Variants in EPG5 observed in about 807,000 individuals in gnomAD.
EPG5 encodes the protein ectopic P-granules 5 autophagy tethering factor.
A neutral mutation model predicts 302.7 loss-of-function variants in EPG5; 159 were observed. The ratio of observed to expected loss-of-function variants is 0.53; its 90% CI spans 0.46 to 0.60. The LOEUF (loss-of-function observed/expected upper bound fraction) is 0.60. EPG5 is among the 20% of genes least tolerant of loss of function. EPG5 has a pLI of 0.00. For missense variants in EPG5, 2,896 were observed against 3,092.4 expected (o/e 0.94, Z 1.51); for synonymous variants, 1,158 against 1,136.8 (o/e 1.02, Z -0.37).
At chr18:45,876,430 G>T (rs1489391000) in intron 34 of EPG5, 88 bp from the exon 35 acceptor site, 6 of 1,035,328 alleles carry the variant, frequency 5.8e-6, no homozygotes, top group Non-Finnish European at 9.0e-6. Flanking sequence ...CTAAGTCCTG[G>T]AAGCCTGTCC....
At chr18:45,918,826 G>A (rs1167002056) in intron 16 of EPG5, among the ~76,000 whole-genome samples, 1 of 152,136 alleles carries the variant, frequency 6.6e-6, no homozygotes, top group Non-Finnish European at 1.5e-5. Flanking sequence ...ATTTGTGGAG[G>A]CGAATACAGG....
chr18:45,956,503 C>A (rs551991288), intron 1 of EPG5, among the ~76,000 whole-genome samples: 35 of 151,874 alleles, frequency 2.3e-4, no homozygotes, highest in African/African-American at 6.0e-4. Flanking sequence ...GTTGCGCAGG[C>A]TGGAGTGCAG....
chr18:45,820,453 T>A, the EPG5 span, among the ~76,000 whole-genome samples: 1 of 152,148 alleles, frequency 6.6e-6, no homozygotes, highest in Admixed American at 6.5e-5. Flanking sequence ...GCCCACTGAA[T>A]TGGAGCATCA....
Position 45,923,362 on chromosome 18 carries a change from A to T in EPG5, c.2744T>A (p.Val915Asp). ...AACCATTAAAGCCACTTCAGCATGG[A>T]CTGCTTGATCCAGATGAAGGGTAGC... ...KQATLHLDQAVHAEVALMVLE... is the reference protein window; with the variant it reads ...KQATLHLDQADHAEVALMVLE... The change falls in exon 15 of 44, where the codon GTC (valine) becomes GAC (aspartate). Residue 915 changes from valine (V) to aspartate (D), a missense_variant. By Grantham distance (152) the Val-to-Asp change is radical. Coordinates refer to ENST00000282041, the MANE Select transcript of EPG5 (RefSeq NM_020964.3). The T allele has an allele frequency of 6.2e-7, 1 of 1,613,916 alleles. No individual in the cohort carries two copies. Among genetic ancestry groups the T allele is most frequent in the Non-Finnish European group, 8.5e-7 (1 of 1,179,956 alleles).
chr18:45,965,925 T>A (rs1044362395), intron 1 of EPG5, among the ~76,000 whole-genome samples: 17 of 151,448 alleles, frequency 1.1e-4, no homozygotes, highest in African/African-American at 3.9e-4. Flanking sequence ...TGGTGGCGCA[T>A]GCCTGTAATC....
intron 7 of EPG5, among the ~76,000 whole-genome samples, chr18:45,945,801 C>A (rs949249103): frequency 5.9e-5 from 9 of 152,158 alleles, no homozygotes; most frequent in African/African-American, 2.2e-4. Context: ...TTTACCACCA[C>A]CTGACCACCT....
chr18:45,830,583 C>CTTTTTTTTTTTTTTTT, the EPG5 span, among the ~76,000 whole-genome samples: 2 of 96,702 alleles, frequency 2.1e-5, no homozygotes, highest in African/African-American at 4.2e-5. Flanking sequence ...ATTTTTCTTT[C>CTTTTTTTTTTTTTTTT]TTTTTTTTTT....
At chr18:45,912,174 C>A in intron 22 of EPG5, 116 bp downstream of exon 22, 3 of 964,918 alleles carry the variant, frequency 3.1e-6, no homozygotes, top group Non-Finnish European at 2.9e-6. Flanking sequence ...GAGTCCTCAC[C>A]AGAGATCACC....
downstream of EPG5, among the ~76,000 whole-genome samples, chr18:45,846,639 TTACCAG>T (rs1284239787): frequency 6.6e-6 from 1 of 151,972 alleles, no homozygotes; most frequent in Non-Finnish European, 1.5e-5. Context: ...AGAGATCTTG[TTACCAG>T]AAAGGGGTCC....
chr18:45,932,469 T>C (rs1441475053), intron 11 of EPG5, among the ~76,000 whole-genome samples: 4 of 152,194 alleles, frequency 2.6e-5, no homozygotes, highest in Non-Finnish European at 4.4e-5. Flanking sequence ...ATTTGTTCCC[T>C]GGAAACTGAT....
the EPG5 span, chr18:45,837,656 C>G: frequency 9.3e-6 from 14 of 1,503,924 alleles, no homozygotes; most frequent in Non-Finnish European, 1.1e-5. Flanking sequence ...CGCGGGCGAG[C>G]CCTATGCGGG....
At position 45,949,535 on chromosome 18, in the gene EPG5, A is replaced by G. The variant is rs1345031210; in HGVS notation, c.1446T>C (p.His482=). ...TAACACCAGCGGGGCATCGAAGAATATGGTTTAGAAGGAAGAGGTGATCTC... is the reference window on the plus strand; with the variant it reads ...TAACACCAGCGGGGCATCGAAGAATGTGGTTTAGAAGGAAGAGGTGATCTC... The part of the protein sequence containing the change: ...CPGDHLFLLN[H]ILRCPAGVSK... The change falls in exon 5 of 44, where the codon CAT becomes CAC. Residue 482 remains histidine (H), a synonymous_variant. Coordinates refer to ENST00000282041, the MANE Select transcript of EPG5 (RefSeq NM_020964.3). 1.9e-6 allele frequency: 3 copies of G among 1,613,320 alleles called. No homozygotes were observed. The highest frequency in any genetic ancestry group is 2.5e-6 in the Non-Finnish European group (3 of 1,179,560).
At chr18:45,876,919 G>A (rs966926245) in intron 34 of EPG5, among the ~76,000 whole-genome samples, 7 of 151,960 alleles carry the variant, frequency 4.6e-5, no homozygotes, top group Non-Finnish European at 1.0e-4. Context: ...GAGCAACTGG[G>A]GTTGCAGGCA....
chr18:45,960,249 G>A (rs2051119304), intron 1 of EPG5, among the ~76,000 whole-genome samples: 1 of 152,124 alleles, frequency 6.6e-6, no homozygotes, highest in Non-Finnish European at 1.5e-5. Flanking sequence ...CATAATTTAA[G>A]CCAAAGGTAT....
Position 45,922,491 on chromosome 18 carries a change from C to T in EPG5, c.2948G>A (p.Gly983Glu), listed in dbSNP as rs1485189801. 5.0e-6 allele frequency: 8 copies of T among 1,614,058 alleles called. No homozygotes were observed. In the South Asian group the frequency reaches 6.6e-5, roughly 13 times the overall value. Reference protein sequence around the residue: ...LRLKLHKNDYGIQPNCPAVPF... With the variant: ...LRLKLHKNDYEIQPNCPAVPF... ...AACAGCTGGACAATTCGGCTGTATT[C>T]CATAATCGTTTTTGTGCAGTTTTAG... The change falls in exon 16 of 44, where the codon GGA (glycine) becomes GAA (glutamate). Residue 983 changes from glycine to glutamate, a missense_variant. Physicochemically the swap from Gly to Glu is moderately conservative, Grantham distance 98. This residue lies in a region of EPG5 where 1,390 missense variants were observed against 1,430.0 expected (regional missense o/e 0.97). Transcript: ENST00000282041.
chr18:45,877,418 T>A (rs1284270405), intron 34 of EPG5, among the ~76,000 whole-genome samples: 1 of 151,888 alleles, frequency 6.6e-6, no homozygotes, highest in African/African-American at 2.4e-5. Flanking sequence ...GACTCTGTCT[T>A]AAAAAAAATT....
the EPG5 span, among the ~76,000 whole-genome samples, chr18:45,802,693 C>T: frequency 6.6e-6 from 1 of 152,216 alleles, no homozygotes. Context: ...TTCTGCCCCA[C>T]CCTCACTCTG....
chr18:45,840,461 C>G, the EPG5 span, among the ~76,000 whole-genome samples: 2 of 152,224 alleles, frequency 1.3e-5, no homozygotes, highest in South Asian at 4.1e-4. Context: ...GCTCCTCCCC[C>G]ACGACTCCAG....
In EPG5 at chr18:45,928,851, C is replaced by T. The variant is rs776694155; in HGVS notation, c.2553+18G>A. ...CAAGATTTGAAAAAACAAAAACAAA[C>T]AAAATCAGTGCTCTTACCATTCCAA... On this transcript the variant is annotated intron_variant, in intron 13 of 43. Coordinates refer to ENST00000282041, the MANE Select transcript of EPG5 (RefSeq NM_020964.3). 1.9e-6 allele frequency: 3 copies of T among 1,594,250 alleles called. No homozygotes were observed. The highest frequency in any genetic ancestry group is 2.7e-5 in the African/African-American group (2 of 73,766).
Sources: allele counts gnomAD v4.1 joint callset (sites outside exome capture counted in the v4.1 genomes callset), GRCh38; gene constraint gnomAD v4.1.1; regional missense constraint gnomAD v4.1.1; transcripts MANE v1.5; gene names NCBI Gene and HGNC (gene_info 2026-07-23, HGNC 2026-07-21).